Variants in ALPK2 observed in about 807,000 individuals in gnomAD.
The protein encoded by ALPK2 is alpha-protein kinase 2.
A neutral mutation model predicts 163.1 loss-of-function variants in ALPK2; 127 were observed. The observed-to-expected ratio is 0.78, with a 90% CI of 0.67 to 0.90. ALPK2 has a LOEUF of 0.90. Among genes scored for constraint, ALPK2 ranks in the 40% least tolerant of loss-of-function variants. The pLI, the probability that ALPK2 is intolerant of heterozygous loss-of-function variation, is 0.00. For missense variants in ALPK2, 2,360 were observed against 2,589.6 expected (o/e 0.91, Z 1.92); for synonymous variants, 953 against 959.1 (o/e 0.99, Z 0.12).
In ALPK2 at chr18:58,538,147, C is replaced by A; in HGVS notation, c.2040G>T (p.Glu680Asp). 1 of 1,613,766 alleles carries A rather than the reference C, an allele frequency of 6.2e-7. No individual in the cohort carries two copies. The highest frequency in any genetic ancestry group is 8.5e-7 in the Non-Finnish European group (1 of 1,179,792). Residue 680 changes from glutamate (E) to aspartate (D), a missense_variant, in exon 5 of 13, where the codon GAG (glutamate) becomes GAT (aspartate). Physicochemically the swap from Glu to Asp is conservative, Grantham distance 45 (BLOSUM62 2). Coordinates refer to ENST00000361673, the MANE Select transcript of ALPK2 (RefSeq NM_052947.4). ...TTGTTGTGGTCCCAGTGAATGGGGACTCCTCCCCAGCAGGCTCTGAGAAAG... is the reference window on the plus strand; with the variant it reads ...TTGTTGTGGTCCCAGTGAATGGGGAATCCTCCCCAGCAGGCTCTGAGAAAG... The part of the protein sequence containing the change: ...MPAFSEPAGE[E>D]SPFTGTTTIS...
At chr18:58,569,955 C>A (rs1376454239) in intron 4 of ALPK2, among the ~76,000 whole-genome samples, 1 of 151,858 alleles carries the variant, frequency 6.6e-6, no homozygotes. Flanking sequence ...ATGGTGAAAC[C>A]CCGTCTCTAC....
intron 4 of ALPK2, among the ~76,000 whole-genome samples, chr18:58,555,863 C>G (rs1210726549): frequency 6.6e-6 from 1 of 152,188 alleles, no homozygotes; most frequent in East Asian, 1.9e-4. Context: ...GCTCTGTCAC[C>G]CAGGCTGGAG....
intron 1 of ALPK2, among the ~76,000 whole-genome samples, chr18:58,625,202 C>G (rs6566989): frequency 0.44 from 66,758 of 150,240 alleles, 15,327 homozygotes; most frequent in African/African-American, 0.54. Flanking sequence ...AAAAAAAAGC[C>G]CCCTAAAAAC....
At chr18:58,538,318 CCG>C in intron 4 of ALPK2, 94 bp from the exon 5 acceptor site, 1 of 1,120,634 alleles carries the variant, frequency 8.9e-7, no homozygotes, top group Non-Finnish European at 1.3e-6. Context: ...TCCTCAATGA[CCG>C]TAATAATGGA....
At position 58,535,998 on chromosome 18, in the gene ALPK2, T is replaced by C; in HGVS notation, c.4189A>G (p.Lys1397Glu). Residue 1397 changes from lysine (K) to glutamate (E), a missense_variant, in exon 5 of 13, where the codon AAA becomes GAA. By Grantham distance (56) the Lys-to-Glu change is moderately conservative. Transcript: ENST00000361673. ...GGATCTACAGAGGACTCTAGGATTT[T>C]AGGGCAGGTCAGAAACTTTTTAAAG... ...AFFKKFLTCPKILESSVDPID... is the reference protein window; with the variant it reads ...AFFKKFLTCPEILESSVDPID... 2 of 1,613,974 alleles carry C rather than the reference T, an allele frequency of 1.2e-6. No homozygotes were observed. Among genetic ancestry groups the C allele is most frequent in the Middle Eastern group, 1.7e-4 (1 of 6,060 alleles).
At position 58,537,751 on chromosome 18, in the gene ALPK2, T is replaced by G. The variant is rs2051661657; in HGVS notation, c.2436A>C (p.Gln812His). The change falls in exon 5 of 13, where the codon CAA becomes CAC. Residue 812 changes from glutamine (Q) to histidine (H), a missense_variant. Gln to His is a conservative substitution (Grantham distance 24, BLOSUM62 0). Coordinates refer to ENST00000361673, the MANE Select transcript of ALPK2 (RefSeq NM_052947.4). The stretch of plus-strand genomic sequence containing the variant: ...AATCTATGGTATCAAAACACGTTCC[T>G]TGGTCACCAGCCTCAAAACACTCCA... Reference protein sequence around the residue: ...CAMECFEAGDQGTCFDTIDSL... With the variant: ...CAMECFEAGDHGTCFDTIDSL... The G allele has an allele frequency of 1.2e-6, 2 of 1,614,142 alleles. No individual in the cohort carries two copies. Among genetic ancestry groups the G allele is most frequent in the African/African-American group, 1.3e-5 (1 of 75,052 alleles).
At chr18:58,611,538 A>G in intron 2 of ALPK2, 151 bp downstream of exon 2, 1 of 678,110 alleles carries the variant, frequency 1.5e-6, no homozygotes. Flanking sequence ...GAAACAAATC[A>G]TAGAGGATGG....
Position 58,591,559 on chromosome 18 carries a change from G to T in ALPK2, c.228-11011C>A, listed in dbSNP as rs557577599. On this transcript the variant is annotated intron_variant, in intron 3 of 12. Coordinates refer to ENST00000361673, the MANE Select transcript of ALPK2 (RefSeq NM_052947.4). The stretch of plus-strand genomic sequence containing the variant: ...GGGGCATGCAAGATAATGAAGGGAG[G>T]TTTCCTGGGGAGCTCAACAGCTGAA... Among the ~76,000 whole-genome samples the T allele has an allele frequency of 1.4e-3, 211 of 152,234 alleles. 2 individuals carry two copies. The highest frequency in any genetic ancestry group is 2.4e-3 in the Non-Finnish European group (162 of 68,020).
intron 10 of ALPK2, chr18:58,512,238 A>G (rs2051493819): frequency 6.6e-6 from 1 of 152,198 alleles, no homozygotes; most frequent in Non-Finnish European, 1.5e-5. Flanking sequence ...CCTGGTGGGG[A>G]AAAAAACCAG....
chr18:58,528,980 C>T (rs776697233), intron 6 of ALPK2, 111 bp downstream of exon 6: 3 of 1,340,318 alleles, frequency 2.2e-6, no homozygotes, highest in Non-Finnish European at 3.2e-6. Context: ...GGAATCTCTG[C>T]TTCAATTTTC....
intron 4 of ALPK2, among the ~76,000 whole-genome samples, chr18:58,552,721 A>G (rs1448850674): frequency 6.6e-6 from 1 of 152,048 alleles, no homozygotes; most frequent in Non-Finnish European, 1.5e-5. Context: ...TAGGGTCGGC[A>G]GGTGTTCTAT....
In ALPK2 at chr18:58,579,253, A is replaced by G. The variant is rs771346367; in HGVS notation, c.1523T>C (p.Met508Thr). Reference sequence around the variant, plus strand: ...AGCTGCCGTCTCCCAACACTGGCTCATCCCTGAGTTTTCTGACTCACCAGA... The same window carrying G: ...AGCTGCCGTCTCCCAACACTGGCTCGTCCCTGAGTTTTCTGACTCACCAGA... ...LLSGESENSG[M>T]SQCWETAADK... The change falls in exon 4 of 13, where the codon ATG becomes ACG. Residue 508 changes from methionine (M) to threonine (T), a missense_variant. Transcript: ENST00000361673. The G allele has an allele frequency of 2.5e-6, 4 of 1,614,032 alleles. No homozygotes were observed. In the South Asian group the frequency reaches 4.4e-5, roughly 18 times the overall value.
chr18:58,556,428 G>T (rs79357694), intron 4 of ALPK2, among the ~76,000 whole-genome samples: 1 of 152,196 alleles, frequency 6.6e-6, no homozygotes, highest in Non-Finnish European at 1.5e-5. Flanking sequence ...GCTTCCTGAC[G>T]TAGAGCCTGG....
chr18:58,625,756 T>C (rs1351801061), intron 1 of ALPK2, among the ~76,000 whole-genome samples: 1 of 152,176 alleles, frequency 6.6e-6, no homozygotes, highest in African/African-American at 2.4e-5. Flanking sequence ...AGGATTGCAG[T>C]GGAAGGGCTG....
intron 12 of ALPK2, among the ~76,000 whole-genome samples, chr18:58,493,199 G>C (rs2051383798): frequency 6.6e-6 from 1 of 152,116 alleles, no homozygotes; most frequent in Non-Finnish European, 1.5e-5. Flanking sequence ...GCTGATGCCT[G>C]GCATTGGGGA....
At chr18:58,569,047 C>T (rs1488076388) in intron 4 of ALPK2, among the ~76,000 whole-genome samples, 1 of 152,152 alleles carries the variant, frequency 6.6e-6, no homozygotes, top group African/African-American at 2.4e-5. Flanking sequence ...AACCCCATCT[C>T]TACTAAAAAT....
At chr18:58,585,582 C>T (rs2051981492) in intron 3 of ALPK2, among the ~76,000 whole-genome samples, 1 of 150,566 alleles carries the variant, frequency 6.6e-6, no homozygotes, top group Non-Finnish European at 1.5e-5. Context: ...TGAAAATATT[C>T]TTATTTGATA....
rs1041478458 is a variant in ALPK2 at position 58,578,889 on chromosome 18, A to C, written c.1887T>G (p.Asn629Lys). Reference sequence around the variant, plus strand: ...TAACTTGCATGCCTTCTCCCTTGCAATTTGTGTTGCCTTCTTTGGAGACTG... The same window carrying C: ...TAACTTGCATGCCTTCTCCCTTGCACTTTGTGTTGCCTTCTTTGGAGACTG... The part of the protein sequence containing the change: ...TDSVSKEGNT[N>K]CKGEGMQVNT... The change falls in exon 4 of 13, where the codon AAT becomes AAG. Residue 629 changes from asparagine to lysine, a missense_variant. Physicochemically the swap from Asn to Lys is moderately conservative, Grantham distance 94. Coordinates refer to ENST00000361673, the MANE Select transcript of ALPK2 (RefSeq NM_052947.4). The C allele has an allele frequency of 6.2e-7, 1 of 1,614,144 alleles. No individual in the cohort carries two copies. Among genetic ancestry groups the C allele is most frequent in the Admixed American group, 1.7e-5 (1 of 60,016 alleles).
At chr18:58,590,932 A>G (rs1230537087) in intron 3 of ALPK2, among the ~76,000 whole-genome samples, 1 of 152,194 alleles carries the variant, frequency 6.6e-6, no homozygotes, top group Non-Finnish European at 1.5e-5. Context: ...CTGAGGCTGC[A>G]ACACCCGGCT....
Sources: allele counts gnomAD v4.1 joint callset (sites outside exome capture counted in the v4.1 genomes callset), GRCh38; gene constraint gnomAD v4.1.1; transcripts MANE v1.5; gene names NCBI Gene and HGNC (gene_info 2026-07-23, HGNC 2026-07-21).